Variants in GSG1L observed in about 807,000 individuals in gnomAD.
The protein encoded by GSG1L is GSG1 like, also known as germ cell-specific gene 1-like protein.
A neutral mutation model predicts 42.1 loss-of-function variants in GSG1L; 24 were observed. That is an observed-to-expected ratio of 0.57 (90% CI 0.41 to 0.80). The LOEUF is 0.80. GSG1L is among the 30% of genes least tolerant of loss of function. The pLI, the probability that GSG1L is intolerant of heterozygous loss-of-function variation, is 0.00. For missense variants in GSG1L, 445 were observed against 472.2 expected, an observed-to-expected ratio of 0.94 and a Z score of 0.53; for synonymous variants, 215 against 203.5, an observed-to-expected ratio of 1.06 and a Z score of -0.48.
chr16:27,887,743 T>C (rs905102811), intron 2 of GSG1L, among the ~76,000 whole-genome samples: 33 of 152,222 alleles, frequency 2.2e-4, no homozygotes, highest in African/African-American at 8.0e-4. Flanking sequence ...AGCGCAACAG[T>C]GCTTTTAGAG....
At chr16:27,839,421 G>T (rs950716900) in intron 4 of GSG1L, among the ~76,000 whole-genome samples, 1 of 152,214 alleles carries the variant, frequency 6.6e-6, no homozygotes, top group African/African-American at 2.4e-5. Context: ...AGTAAGAGGA[G>T]AACTTTTTCC....
chr16:27,938,109 A>T (rs543625136), intron 2 of GSG1L, among the ~76,000 whole-genome samples: 8 of 152,266 alleles, frequency 5.3e-5, no homozygotes, highest in African/African-American at 1.7e-4. Flanking sequence ...GGCGAGGGGT[A>T]GGGTTGCACC....
intron 1 of GSG1L, among the ~76,000 whole-genome samples, chr16:28,023,071 C>T (rs1483749082): frequency 6.6e-6 from 1 of 152,168 alleles, no homozygotes; most frequent in African/African-American, 2.4e-5. Flanking sequence ...TCAAGCGATC[C>T]TCCCACTTCA....
At chr16:27,850,710 G>GT in intron 3 of GSG1L, 1 of 390,444 alleles carries the variant, frequency 2.6e-6, no homozygotes, top group Non-Finnish European at 5.1e-6. Context: ...GAAAATGGGG[G>GT]TGATAGCTGG....
rs189294965 is a variant in GSG1L, at chr16:27,872,547, T to C, written c.550+11939A>G. On this transcript the variant is annotated intron_variant, in intron 3 of 6. Coordinates refer to ENST00000447459, the MANE Select transcript of GSG1L (RefSeq NM_001109763.2). The stretch of plus-strand genomic sequence containing the variant: ...TGAGGCTGAGACCTACTGGGCTGCA[T>C]GTCCAGGAGGTTAGGCCGTCCAAGT... 1.3e-3 allele frequency among the ~76,000 whole-genome samples: 203 copies of C among 152,294 alleles called. 1 individual carries two copies. Among genetic ancestry groups the C allele is most frequent in the African/African-American group, 4.5e-3 (189 of 41,560 alleles).
intron 6 of GSG1L, among the ~76,000 whole-genome samples, chr16:27,793,795 T>A (rs868241762): frequency 9.2e-5 from 14 of 152,130 alleles, no homozygotes; most frequent in Admixed American, 6.5e-5. Context: ...CTCAGAGCCA[T>A]TTAAGGTGTG....
chr16:27,867,753 C>G (rs2141006706), intron 3 of GSG1L, among the ~76,000 whole-genome samples: 1 of 152,236 alleles, frequency 6.6e-6, no homozygotes, highest in Middle Eastern at 3.4e-3. Context: ...CCCTGAGGAT[C>G]TCCGGCGGCC....
chr16:27,851,870 G>C (rs893832572), intron 3 of GSG1L, among the ~76,000 whole-genome samples: 1 of 152,178 alleles, frequency 6.6e-6, no homozygotes, highest in Non-Finnish European at 1.5e-5. Context: ...GGGGTGGCAG[G>C]TTCCTGCGCC....
In GSG1L at chr16:27,867,569, C is replaced by T. The variant is rs377570200; in HGVS notation, c.550+16917G>A. Among the ~76,000 whole-genome samples the T allele has an allele frequency of 9.8e-5, 15 of 152,344 alleles. 1 individual carries two copies. Among genetic ancestry groups the T allele is most frequent in the Admixed American group, 6.5e-4 (10 of 15,302 alleles). ...CAGGAGTTAGACTCTCCCCACTGAG[C>T]CCTTGCTCACTGTGTGTCAGAGACT... On this transcript the variant is annotated intron_variant, in intron 3 of 6. Transcript: ENST00000447459.
chr16:27,952,532 G>A (rs2084961266), intron 2 of GSG1L, among the ~76,000 whole-genome samples: 1 of 152,226 alleles, frequency 6.6e-6, no homozygotes, highest in African/African-American at 2.4e-5. Flanking sequence ...ATAGTTTGGG[G>A]GAAATGGATG....
chr16:27,951,277 C>T (rs927015507), intron 2 of GSG1L, among the ~76,000 whole-genome samples: 2 of 152,176 alleles, frequency 1.3e-5, no homozygotes, highest in African/African-American at 4.8e-5. Flanking sequence ...TGGACAGTTC[C>T]CAACCTGGGT....
At chr16:27,975,887 C>T (rs887334486) in intron 1 of GSG1L, among the ~76,000 whole-genome samples, 7 of 152,218 alleles carry the variant, frequency 4.6e-5, no homozygotes, top group Admixed American at 1.3e-4. Context: ...AATCCCTGCC[C>T]TCACGGAACT....
chr16:27,841,219 G>A (rs891007783), intron 4 of GSG1L, among the ~76,000 whole-genome samples: 2 of 152,098 alleles, frequency 1.3e-5, no homozygotes, highest in Non-Finnish European at 2.9e-5. Flanking sequence ...TCCCCGGCTG[G>A]TGAGGGGCAG....
chr16:27,949,756 T>A lies in GSG1L; in HGVS notation c.397+13400A>T, dbSNP rs537918025. Among the ~76,000 whole-genome samples the A allele has an allele frequency of 4.0e-5, 6 of 151,832 alleles. No homozygotes were observed. The East Asian group carries it at 1.2e-3, about 29-fold the overall frequency. The stretch of plus-strand genomic sequence containing the variant: ...CTGGCTAACACGATGAAACCCCGTC[T>A]CTACTAAAAATACAAAAAATTAGCT... On this transcript the variant is annotated intron_variant, in intron 2 of 6. Transcript: ENST00000447459.
At chr16:28,006,696 A>G (rs959422012) in intron 1 of GSG1L, among the ~76,000 whole-genome samples, 6 of 152,172 alleles carry the variant, frequency 3.9e-5, no homozygotes, top group Non-Finnish European at 8.8e-5. Context: ...GTTTTAAGCC[A>G]CTAAGTTTGT....
At position 28,063,047 on chromosome 16, in the gene GSG1L, C is replaced by G. The variant is rs757240668; in HGVS notation, c.349+29G>C. 3.3e-4 allele frequency: 460 copies of G among 1,384,332 alleles called. No homozygotes were observed. The highest frequency in any genetic ancestry group is 1.4e-3 in the Middle Eastern group (7 of 4,906). 85.8% of individuals were successfully genotyped at this position (1,384,332 alleles called of 1,614,324 possible). A position where few individuals can be genotyped will look rare whatever the true frequency, so the allele number is the denominator to read the frequency against. On this transcript the variant is annotated intron_variant, in intron 1 of 6. Coordinates refer to ENST00000447459, the MANE Select transcript of GSG1L (RefSeq NM_001109763.2). This position sits in a 1 kb window ranked among gnomAD's most constrained non-coding sequence, Gnocchi z 5.8. ...CGCGCCGCCCCGGGGGAGCCGGAGC[C>G]GAGCTGGCCGCCGCCCGCGCGCACT...
chr16:27,949,225 T>C (rs1297159314), intron 2 of GSG1L, among the ~76,000 whole-genome samples: 1 of 138,858 alleles, frequency 7.2e-6, no homozygotes, highest in African/African-American at 2.6e-5. Flanking sequence ...CTATCATCAT[T>C]ATTATTATTA....
At chr16:27,953,908 A>C (rs2084977792) in intron 2 of GSG1L, among the ~76,000 whole-genome samples, 1 of 152,210 alleles carries the variant, frequency 6.6e-6, no homozygotes, top group South Asian at 2.1e-4. Context: ...GATATTTATG[A>C]AACAAAAGAA....
intron 2 of GSG1L, among the ~76,000 whole-genome samples, chr16:27,919,680 C>A (rs1427864978): frequency 6.6e-6 from 1 of 152,156 alleles, no homozygotes; most frequent in East Asian, 1.9e-4. Flanking sequence ...GGAGATAGAG[C>A]CAGCCTCACC....
Sources: gnomAD v4.1 joint callset for allele counts (sites outside exome capture counted in the v4.1 genomes callset) on GRCh38, gnomAD v4.1.1 for gene constraint, Gnocchi (gnomAD v3.1) non-coding constraint, MANE v1.5 for transcripts, NCBI Gene and HGNC (gene_info 2026-07-23, HGNC 2026-07-21) for gene names.